Variants in TTC12 observed in about 807,000 individuals in gnomAD.
TTC12 encodes tetratricopeptide repeat protein 12.
A neutral mutation model predicts 90.1 loss-of-function variants in TTC12; 70 were observed. The observed-to-expected ratio is 0.78, with a 90% CI of 0.64 to 0.95. The LOEUF is 0.95. Among genes scored for constraint, TTC12 ranks in the 40% least tolerant of loss-of-function variants. TTC12 has a pLI of 0.00. For synonymous variants in TTC12, 296 were observed against 311.5 expected, an observed-to-expected ratio of 0.95 and a Z score of 0.53; for missense variants, 819 against 846.1, an observed-to-expected ratio of 0.97 and a Z score of 0.40.
intron 16 of TTC12, among the ~76,000 whole-genome samples, chr11:113,355,651 A>G (rs1949594867): frequency 6.6e-6 from 1 of 152,134 alleles, no homozygotes; most frequent in South Asian, 2.1e-4. Context: ...TGTCCCAGAG[A>G]TTCTGGTATG....
intron 12 of TTC12, among the ~76,000 whole-genome samples, chr11:113,343,633 C>G (rs1948795291): frequency 6.6e-6 from 1 of 152,126 alleles, no homozygotes; most frequent in African/African-American, 2.4e-5. Flanking sequence ...CCTTTGAGAT[C>G]CAGTTTGCTC....
intron 18 of TTC12, among the ~76,000 whole-genome samples, chr11:113,361,017 T>C (rs779829657): frequency 2.0e-5 from 3 of 152,120 alleles, no homozygotes; most frequent in African/African-American, 4.8e-5. Flanking sequence ...TGAGTAAACC[T>C]TTAGGAGAGC....
intron 14 of TTC12, among the ~76,000 whole-genome samples, chr11:113,350,878 T>C (rs1171863321): frequency 1.3e-5 from 2 of 152,128 alleles, no homozygotes; most frequent in Non-Finnish European, 2.9e-5. Flanking sequence ...GTGGCTCCGA[T>C]GGGTAAACAT....
chr11:113,326,308 C>T (rs1397936415), intron 6 of TTC12, among the ~76,000 whole-genome samples: 3 of 152,178 alleles, frequency 2.0e-5, no homozygotes, highest in African/African-American at 7.2e-5. Context: ...ACAAAACCAT[C>T]ACCTGTGACC....
Position 113,352,189 on chromosome 11 carries a change from T to A in TTC12, c.1428T>A (p.Asp476Glu). Residue 476 changes from aspartate to glutamate, a missense_variant, in exon 16 of 22, where the codon GAT becomes GAA. Coordinates refer to ENST00000529221, the MANE Select transcript of TTC12 (RefSeq NM_017868.4). ...TGGCGGCCTGTGAGGAATTTGGGGA[T>A]GGCTGCTTGAGCCTCCTGGTATGTT... Reference protein sequence around the residue: ...RHMAACEEFGDGCLSLLARCE... With the variant: ...RHMAACEEFGEGCLSLLARCE... 3 of 1,614,240 alleles carry A rather than the reference T, an allele frequency of 1.9e-6. No homozygotes were observed. The highest frequency in any genetic ancestry group is 2.2e-5 in the South Asian group (2 of 91,088).
intron 5 of TTC12, 24 bp from the exon 6 acceptor site, chr11:113,325,500 C>T (rs1555140621): frequency 1.2e-6 from 2 of 1,610,184 alleles, no homozygotes; most frequent in South Asian, 1.1e-5. Flanking sequence ...TGAGAGCTCA[C>T]CTGTGTAACT....
intron 15 of TTC12, 57 bp from the exon 16 acceptor site, chr11:113,352,013 C>A: frequency 6.3e-7 from 1 of 1,587,530 alleles, no homozygotes; most frequent in Non-Finnish European, 8.6e-7. Context: ...ACCTAGAGAT[C>A]ATGCGGCATC....
chr11:113,339,188 A>G (rs1324275806), intron 9 of TTC12, 98 bp from the exon 10 acceptor site: 7 of 986,170 alleles, frequency 7.1e-6, no homozygotes, highest in Non-Finnish European at 1.0e-5. Flanking sequence ...TGCTTCTCAA[A>G]CTCCCATCCT....
intron 6 of TTC12, among the ~76,000 whole-genome samples, chr11:113,328,572 G>A (rs926590993): frequency 1.2e-4 from 18 of 151,356 alleles, no homozygotes; most frequent in African/African-American, 4.4e-4. Flanking sequence ...TTTTTCTGCT[G>A]TGCTCGGGAG....
At chr11:113,350,194 T>C (rs782354833) in intron 14 of TTC12, 29 bp downstream of exon 14, 5 of 1,503,220 alleles carry the variant, frequency 3.3e-6, no homozygotes, top group Non-Finnish European at 4.6e-6. Context: ...GAAATTGACA[T>C]TTCTTCTTCA....
chr11:113,325,308 G>C (rs1178997815), intron 5 of TTC12, among the ~76,000 whole-genome samples: 1 of 152,060 alleles, frequency 6.6e-6, no homozygotes, highest in African/African-American at 2.4e-5. Context: ...TACTTTTTCT[G>C]AGAATCTACT....
In TTC12 at chr11:113,339,479, G is replaced by A. The variant is rs565749493; in HGVS notation, c.826+5G>A. 3.2e-5 allele frequency: 52 copies of A among 1,608,092 alleles called. No homozygotes were observed. In the South Asian group the frequency reaches 5.5e-4, roughly 17 times the overall value. On this transcript the variant is annotated splice_donor_5th_base_variant and intron_variant, in intron 10 of 21. Coordinates refer to ENST00000529221, the MANE Select transcript of TTC12 (RefSeq NM_017868.4). Reference sequence around the variant, plus strand: ...TGACTGAAATGATAAATGAGTGTAAGCCAGAGATGTGTGTGATCTCATGAG... The same window carrying A: ...TGACTGAAATGATAAATGAGTGTAAACCAGAGATGTGTGTGATCTCATGAG...
downstream of TTC12, among the ~76,000 whole-genome samples, chr11:113,369,864 A>T (rs1950336535): frequency 6.6e-6 from 1 of 152,164 alleles, no homozygotes; most frequent in Non-Finnish European, 1.5e-5. Flanking sequence ...CCATGAGCCC[A>T]TTATCTGCCC....
intron 8 of TTC12, among the ~76,000 whole-genome samples, chr11:113,335,477 A>AATAGTTGAATCAT (rs1948315876): frequency 6.6e-6 from 1 of 152,138 alleles, no homozygotes; most frequent in Admixed American, 6.5e-5. Flanking sequence ...TATATGATTC[A>AATAGTTGAATCAT]ATAGTTTTTA....
chr11:113,362,062 G>A (rs1555155314), intron 18 of TTC12, among the ~76,000 whole-genome samples: 1 of 151,656 alleles, frequency 6.6e-6, no homozygotes, highest in African/African-American at 2.4e-5. Flanking sequence ...TGACACAGAA[G>A]ACCAATCCAG....
chr11:113,329,807 A>G (rs1591538760), intron 6 of TTC12, 113 bp from the exon 7 acceptor site: 1 of 880,352 alleles, frequency 1.1e-6, no homozygotes, highest in Non-Finnish European at 1.9e-6. Context: ...TGACTGATCC[A>G]GGTAGGGGAT....
At chr11:113,322,261 G>A (rs1316179194) in intron 2 of TTC12, among the ~76,000 whole-genome samples, 2 of 152,126 alleles carry the variant, frequency 1.3e-5, no homozygotes, top group Non-Finnish European at 2.9e-5. Flanking sequence ...GAGATTTAAA[G>A]TACATAATTT....
downstream of TTC12, among the ~76,000 whole-genome samples, chr11:113,367,721 G>A (rs202192737): frequency 6.1e-5 from 1 of 16,382 alleles, no homozygotes; most frequent in Admixed American, 3.7e-4. Flanking sequence ...ATTTGGTGAC[G>A]GGGGTGGGCG....
chr11:113,363,962 C>T (rs376258802), intron 20 of TTC12, 35 bp downstream of exon 20: 2 of 1,463,434 alleles, frequency 1.4e-6, no homozygotes, highest in African/African-American at 1.4e-5. Flanking sequence ...GCCCTTGTCC[C>T]AGAGGTTCAT....
Sources: allele counts gnomAD v4.1 joint callset (sites outside exome capture counted in the v4.1 genomes callset), GRCh38; gene constraint gnomAD v4.1.1; transcripts MANE v1.5; gene names NCBI Gene and HGNC (gene_info 2026-07-23, HGNC 2026-07-21).